The following ANO5 variants were observed in gnomAD, a reference collection of about 807,000 sequenced individuals.
The protein encoded by ANO5 is anoctamin 5, also known as anoctamin-5.
In ANO5, 109 loss-of-function variants were observed where a neutral mutation model predicts 121.0. The observed-to-expected ratio is 0.90, with a 90% CI of 0.77 to 1.06. The LOEUF is 1.06. ANO5 is among the 50% of genes least tolerant of loss of function. ANO5 has a pLI of 0.00. For missense variants in ANO5, 1,064 were observed against 1,078.5 expected (o/e 0.99, Z 0.19); for synonymous variants, 406 against 359.9 (o/e 1.13, Z -1.45).
intron 7 of ANO5, among the ~76,000 whole-genome samples, chr11:22,232,960 G>T (rs1033694015): frequency 2.0e-5 from 3 of 151,978 alleles, no homozygotes; most frequent in Admixed American, 1.3e-4. Flanking sequence ...TTATTACACA[G>T]AACTACTCTT....
At chr11:22,223,513 G>C (rs904188139) in intron 5 of ANO5, among the ~76,000 whole-genome samples, 4 of 151,974 alleles carry the variant, frequency 2.6e-5, no homozygotes, top group Admixed American at 2.6e-4. Context: ...AAGGAAAGCA[G>C]ATATTCAGCA....
At position 22,255,472 on chromosome 11, in the gene ANO5, C is replaced by T. The variant is rs199932112; in HGVS notation, c.1282C>T (p.Pro428Ser). The T allele has an allele frequency of 1.9e-6, 3 of 1,613,266 alleles. No homozygotes were observed. The highest frequency in any genetic ancestry group is 1.3e-5 in the African/African-American group (1 of 74,936). Residue 428 changes from proline (P) to serine (S), a missense_variant, in exon 13 of 22, where the codon CCA (proline) becomes TCA (serine). Physicochemically the swap from Pro to Ser is moderately conservative, Grantham distance 74. Coordinates refer to ENST00000324559, the MANE Select transcript of ANO5 (RefSeq NM_213599.3). The stretch of plus-strand genomic sequence containing the variant: ...GGAACAGCAGCAGCTTCAGCTGAGA[C>T]CAGAATTTGAAGCTATGTGTAAACA... ...EEEQQQLQLRPEFEAMCKHRK... is the reference protein window; with the variant it reads ...EEEQQQLQLRSEFEAMCKHRK...
At chr11:22,264,735 T>G (rs1183184641) in intron 17 of ANO5, among the ~76,000 whole-genome samples, 1 of 151,890 alleles carries the variant, frequency 6.6e-6, no homozygotes, top group East Asian at 1.9e-4. Flanking sequence ...AAATAAAAAC[T>G]GACAGAAATG....
chr11:22,266,822 G>C (rs1478311303), intron 17 of ANO5, among the ~76,000 whole-genome samples: 3 of 152,088 alleles, frequency 2.0e-5, no homozygotes, highest in African/African-American at 4.8e-5. Context: ...CCTTTGGATT[G>C]TAAGATGTTT....
chr11:22,226,047 A>C lies in ANO5; in HGVS notation c.358A>C (p.Lys120Gln). 6.2e-7 allele frequency: 1 copy of C among 1,601,790 alleles called. No individual in the cohort carries two copies. Among genetic ancestry groups the C allele is most frequent in the Non-Finnish European group, 8.6e-7 (1 of 1,169,392 alleles). Residue 120 changes from lysine to glutamine, a missense_variant, in exon 6 of 22, where the codon AAA becomes CAA. Lys to Gln is a moderately conservative substitution (Grantham distance 53). Transcript: ENST00000324559. ...KTGLELEIED[K>Q]RDSEDGRTYF... ...AGGTCTTGAGTTGGAAATAGAAGACAAAAGGGTAAATGTAGTTGATAATTT... is the reference window on the plus strand; with the variant it reads ...AGGTCTTGAGTTGGAAATAGAAGACCAAAGGGTAAATGTAGTTGATAATTT...
chr11:22,237,203 G>T (rs949941024), intron 8 of ANO5, among the ~76,000 whole-genome samples: 2 of 152,084 alleles, frequency 1.3e-5, no homozygotes, highest in Non-Finnish European at 2.9e-5. Context: ...CTCTTTGTAA[G>T]AAATATAGTT....
intron 9 of ANO5, among the ~76,000 whole-genome samples, chr11:22,245,161 T>C (rs1410607866): frequency 6.6e-6 from 1 of 152,160 alleles, no homozygotes. Context: ...TAATTTGGTT[T>C]ACTATCCAGT....
rs116358279 is a variant in ANO5 at position 22,251,355 on chromosome 11, T to C, written c.1180+344T>C. ...CAAATATTTTGTGGCTGGAGGATAT[T>C]GATCATGTATACAAACTGGAACACA... On this transcript the variant is annotated intron_variant, in intron 12 of 21. Transcript: ENST00000324559. Among the ~76,000 whole-genome samples, 1,063 of 152,356 alleles carry C rather than the reference T, an allele frequency of 7.0e-3. 10 individuals are homozygous for C. Among genetic ancestry groups the C allele is most frequent in the African/African-American group, 0.024 (1,004 of 41,580 alleles).
chr11:22,234,907 C>T (rs1341497517), intron 7 of ANO5, among the ~76,000 whole-genome samples: 2 of 152,018 alleles, frequency 1.3e-5, no homozygotes, highest in Non-Finnish European at 2.9e-5. Flanking sequence ...TTCTCTTCTC[C>T]CTATAGGAAC....
chr11:22,214,518 G>T (rs189522758), intron 3 of ANO5, among the ~76,000 whole-genome samples: 4 of 151,840 alleles, frequency 2.6e-5, no homozygotes, highest in African/African-American at 9.7e-5. Context: ...AGCATATATA[G>T]GTGTAGTAAT....
chr11:22,232,081 T>G (rs1245081172), intron 7 of ANO5, among the ~76,000 whole-genome samples: 1 of 152,012 alleles, frequency 6.6e-6, no homozygotes, highest in African/African-American at 2.4e-5. Flanking sequence ...ACAGCAGAGA[T>G]TAGTTTGGCT....
chr11:22,266,769 A>G (rs1048200088), intron 17 of ANO5, among the ~76,000 whole-genome samples: 5 of 152,166 alleles, frequency 3.3e-5, no homozygotes, highest in East Asian at 1.9e-4. Flanking sequence ...TTTCACAACC[A>G]CAGAATTACT....
At position 22,276,328 on chromosome 11, in the gene ANO5, A is replaced by T. The variant is rs1033279574; in HGVS notation, c.2520+129A>T. On this transcript the variant is annotated intron_variant, in intron 21 of 21. Coordinates refer to ENST00000324559, the MANE Select transcript of ANO5 (RefSeq NM_213599.3). ...GTCTTGAAGGAAGTATTGTATTTGT[A>T]GTCATAAAAAGCACCTTAGGGATAT... 3 of 765,736 alleles carry T rather than the reference A, an allele frequency of 3.9e-6. No individual in the cohort carries two copies. In the African/African-American group the frequency reaches 5.2e-5, roughly 13 times the overall value. 47.4% of individuals were successfully genotyped at this position (765,736 alleles called of 1,614,324 possible).
chr11:22,245,732 G>T (rs1473019085), intron 9 of ANO5, among the ~76,000 whole-genome samples: 2 of 152,008 alleles, frequency 1.3e-5, no homozygotes, highest in African/African-American at 4.8e-5. Flanking sequence ...GCCCCTCTCT[G>T]TTAGTCCATC....
At chr11:22,212,259 GTCTTAGCTTGAAGGTAAATCT>G (rs1852301492) in intron 3 of ANO5, among the ~76,000 whole-genome samples, 1 of 135,330 alleles carries the variant, frequency 7.4e-6, no homozygotes, top group African/African-American at 3.9e-5. Context: ...AGGTAAATCT[GTCTTAGCTTGAAGGTAAATCT>G]GTCTTAGGTT....
At chr11:22,265,694 T>C (rs1012848095) in intron 17 of ANO5, among the ~76,000 whole-genome samples, 6 of 152,132 alleles carry the variant, frequency 3.9e-5, no homozygotes, top group African/African-American at 1.2e-4. Flanking sequence ...ATTGTTATTA[T>C]AATCAAAATA....
At chr11:22,276,353 T>A (rs1854849853) in intron 21 of ANO5, among the ~76,000 whole-genome samples, 154 bp downstream of exon 21, 1 of 151,788 alleles carries the variant, frequency 6.6e-6, no homozygotes, top group South Asian at 2.1e-4. Context: ...CTTAGGGATA[T>A]TCTTAGTACA....
At chr11:22,225,285 A>C (rs1852786539) in intron 5 of ANO5, among the ~76,000 whole-genome samples, 1 of 151,954 alleles carries the variant, frequency 6.6e-6, no homozygotes, top group African/African-American at 2.4e-5. Flanking sequence ...AATGAGACAC[A>C]GTCTCTATGA....
chr11:22,228,158 T>A, intron 7 of ANO5, among the ~76,000 whole-genome samples: 1 of 152,068 alleles, frequency 6.6e-6, no homozygotes, highest in Non-Finnish European at 1.5e-5. Flanking sequence ...TGCCACTGTT[T>A]CTTTGTGCTT....
Sources: gnomAD v4.1 joint callset for allele counts (sites outside exome capture counted in the v4.1 genomes callset) on GRCh38, gnomAD v4.1.1 for gene constraint, MANE v1.5 for transcripts, NCBI Gene and HGNC (gene_info 2026-07-23, HGNC 2026-07-21) for gene names.